Variants in ZNF487 observed in about 807,000 individuals in gnomAD.
ZNF487 encodes zinc finger protein 487, also known as KRAB domain only 1.
Under a neutral mutation model 3.0 loss-of-function variants are expected in ZNF487, and 4 were observed. The ratio of observed to expected loss-of-function variants is 1.35; its 90% CI spans 0.66 to 3.08. The LOEUF (loss-of-function observed/expected upper bound fraction) is 3.08, where lower values mean the gene tolerates loss of function less well. ZNF487 is among the 30% of genes most tolerant of loss of function. The pLI, the probability that ZNF487 is intolerant of heterozygous loss-of-function variation, is 0.01. For synonymous variants in ZNF487, 55 were observed against 34.6 expected (o/e 1.59, Z -2.06); for missense variants, 146 against 98.7 (o/e 1.48, Z -2.03).
intron 1 of ZNF487, among the ~76,000 whole-genome samples, chr10:43,460,618 A>AC (rs1305996083): frequency 7.2e-6 from 1 of 138,824 alleles, no homozygotes; most frequent in Non-Finnish European, 1.5e-5. Flanking sequence ...CTCAGATGCC[A>AC]CCCGCCTCAG....
At chr10:43,448,070 A>G (rs1424376015) in intron 1 of ZNF487, among the ~76,000 whole-genome samples, 1 of 147,888 alleles carries the variant, frequency 6.8e-6, no homozygotes, top group Non-Finnish European at 1.5e-5. Context: ...GCTTACTGCA[A>G]GTTCCACCTC....
chr10:43,457,008 C>G (rs1464688263), intron 1 of ZNF487, among the ~76,000 whole-genome samples: 1 of 152,148 alleles, frequency 6.6e-6, no homozygotes, highest in East Asian at 1.9e-4. Context: ...GTGGGTGCTT[C>G]CACCATGCTT....
At chr10:43,513,876 T>A in the ZNF487 span, among the ~76,000 whole-genome samples, 686 of 152,304 alleles carry the variant, frequency 4.5e-3, 4 homozygotes, top group African/African-American at 0.016. Context: ...CCTGGAATCG[T>A]TAGCTCAGAG....
the ZNF487 span, among the ~76,000 whole-genome samples, chr10:43,493,709 A>AAAAAAAAAAAATATAT: frequency 2.3e-5 from 1 of 43,704 alleles, no homozygotes; most frequent in African/African-American, 8.7e-5. Context: ...AAAAAAAAAA[A>AAAAAAAAAAAATATAT]ATATATATAT....
chr10:43,511,376 G>C, the ZNF487 span, among the ~76,000 whole-genome samples: 1 of 152,210 alleles, frequency 6.6e-6, no homozygotes, highest in African/African-American at 2.4e-5. Flanking sequence ...GTGGAATACT[G>C]TGATGGTGGA....
At chr10:43,437,031 A>C (rs2244396), upstream of ZNF487, 4 of 355,704 alleles carry the variant, frequency 1.1e-5, no homozygotes, top group South Asian at 5.8e-5. Flanking sequence ...GGGAGCAGCA[A>C]GGCTTCCGGA....
the ZNF487 span, among the ~76,000 whole-genome samples, chr10:43,498,197 G>A: frequency 1.9e-5 from 2 of 107,724 alleles, no homozygotes; most frequent in African/African-American, 7.5e-5. Flanking sequence ...GCATGATCTC[G>A]GCTCACTGCA....
the ZNF487 span, among the ~76,000 whole-genome samples, chr10:43,505,193 C>CAAGT: frequency 6.6e-6 from 1 of 151,968 alleles, no homozygotes; most frequent in Non-Finnish European, 1.5e-5. Context: ...CTTTACCACT[C>CAAGT]TGGTTTGAAT....
rs1355508116 is a variant in ZNF487 at position 43,465,056 on chromosome 10, C to A, written c.-93-10665C>A. On this transcript the variant is annotated intron_variant, in intron 1 of 3. Transcript: ENST00000437590. Reference sequence around the variant, plus strand: ...CTGGCCGGGCGGGGGGCTGACCCCCCCCACCTCCCTCCCGGGGCGGCTGGC... The same window carrying A: ...CTGGCCGGGCGGGGGGCTGACCCCCACCACCTCCCTCCCGGGGCGGCTGGC... 7.5e-5 allele frequency among the ~76,000 whole-genome samples: 11 copies of A among 146,972 alleles called. 1 individual carries two copies. Among genetic ancestry groups the A allele is most frequent in the Middle Eastern group, 3.8e-3 (1 of 266 alleles).
chr10:43,451,686 C>T (rs1840016801), intron 1 of ZNF487, among the ~76,000 whole-genome samples: 1 of 151,594 alleles, frequency 6.6e-6, no homozygotes, highest in Admixed American at 6.6e-5. Context: ...CTGCCTCAGC[C>T]TCCTGAGTAG....
the ZNF487 span, among the ~76,000 whole-genome samples, chr10:43,498,201 C>T: frequency 8.7e-6 from 1 of 114,588 alleles, no homozygotes; most frequent in South Asian, 3.7e-4. Flanking sequence ...GATCTCGGCT[C>T]ACTGCAACTT....
chr10:43,503,601 T>C, the ZNF487 span, among the ~76,000 whole-genome samples: 1 of 152,098 alleles, frequency 6.6e-6, no homozygotes. Context: ...TGCCATTTTT[T>C]AGTCTTTTTG....
chr10:43,463,230 A>G (rs1316380419), intron 1 of ZNF487, among the ~76,000 whole-genome samples: 1 of 141,124 alleles, frequency 7.1e-6, no homozygotes, highest in African/African-American at 2.7e-5. Flanking sequence ...GCAAAACTCC[A>G]TCTCAAAAAA....
At chr10:43,480,410 T>C (rs1163599427) in intron 3 of ZNF487, among the ~76,000 whole-genome samples, 1 of 146,162 alleles carries the variant, frequency 6.8e-6, no homozygotes, top group Admixed American at 6.9e-5. Context: ...CTGGCCACTT[T>C]TTATTATTAT....
intron 1 of ZNF487, among the ~76,000 whole-genome samples, chr10:43,454,937 C>CAAAA (rs58217923): frequency 2.5e-4 from 21 of 85,360 alleles, no homozygotes; most frequent in South Asian, 9.9e-4. Flanking sequence ...GACCTTGTCT[C>CAAAA]AAAAAAAAAA....
At chr10:43,493,170 C>A in the ZNF487 span, among the ~76,000 whole-genome samples, 2 of 152,032 alleles carry the variant, frequency 1.3e-5, no homozygotes, top group Non-Finnish European at 2.9e-5. Flanking sequence ...GCGGAGGTTG[C>A]GGTGAGCTGA....
In ZNF487 at chr10:43,479,966, CTTTCT is replaced by C. The variant is rs776184621; in HGVS notation, c.131-1455_131-1451del. 6.2e-5 allele frequency among the ~76,000 whole-genome samples: 3 copies of C among 48,164 alleles called. 1 individual carries two copies. The highest frequency in any genetic ancestry group is 1.1e-3 in the East Asian group (1 of 890). 31.6% of individuals were successfully genotyped at this position (48,164 alleles called of 152,430 possible). A position where few individuals can be genotyped will look rare whatever the true frequency, so the allele number is the denominator to read the frequency against. ...CCACTGCACCTGACTCTCTTTCTTT[CTTTCT>C]TTTCTTTCTTTCCTTCTTTCTTTCT... is the stretch of plus-strand genomic sequence containing the variant. On this transcript the variant is annotated intron_variant, in intron 3 of 3. Coordinates refer to ENST00000437590, the MANE Select transcript of ZNF487 (RefSeq NM_001355444.3).
At position 43,481,652 on chromosome 10, in the gene ZNF487, T is replaced by C. The variant is rs1347830309; in HGVS notation, c.354T>C (p.Ser118=). 5 of 683,976 alleles carry C rather than the reference T, an allele frequency of 7.3e-6. No individual in the cohort carries two copies. The highest frequency in any genetic ancestry group is 1.3e-5 in the Non-Finnish European group (5 of 372,194). The allele number at this position is 683,976 out of a possible 1,614,324, so 42.4% of individuals were successfully genotyped here. ...NLNNISELII[S]NRSSFVRNPA... ...ATAATATTTCAGAATTAATTATTAGTAATAGAAGCTCCTTTGTAAGGAACC... is the reference window on the plus strand; with the variant it reads ...ATAATATTTCAGAATTAATTATTAGCAATAGAAGCTCCTTTGTAAGGAACC... Residue 118 remains serine, a synonymous_variant, in exon 4 of 4, where the codon AGT becomes AGC. Transcript: ENST00000437590.
chr10:43,445,572 TC>T (rs1261162794), intron 1 of ZNF487, among the ~76,000 whole-genome samples: 1 of 152,100 alleles, frequency 6.6e-6, no homozygotes, highest in Non-Finnish European at 1.5e-5. Flanking sequence ...GGCAAATTAT[TC>T]CCCACTGCTA....
Sources: gnomAD v4.1 joint callset for allele counts (sites outside exome capture counted in the v4.1 genomes callset) on GRCh38, gnomAD v4.1.1 for gene constraint, MANE v1.5 for transcripts, NCBI Gene and HGNC (gene_info 2026-07-23, HGNC 2026-07-21) for gene names.